F9: variants seen among roughly 807,000 people sequenced by gnomAD.
The protein encoded by F9 is coagulation factor IX, also known as Christmas factor.
A neutral mutation model predicts 34.1 loss-of-function variants in F9; 2 were observed. That is an observed-to-expected ratio of 0.06 (90% CI 0.02 to 0.18). The LOEUF (loss-of-function observed/expected upper bound fraction) is 0.18. Ranked by LOEUF, F9 falls within the 10% of genes least tolerant of loss-of-function variation. F9 has a pLI of 1.00. For missense variants in F9, 216 were observed against 345.1 expected (o/e 0.63, Z 2.96); for synonymous variants, 137 against 118.8 (o/e 1.15, Z -1.00).
At chrX:139,560,932 G>T (rs751637378) in intron 7 of F9, 77 bp downstream of exon 7, 1 of 817,855 alleles carries the variant, frequency 1.2e-6, no homozygotes. Flanking sequence ...TTTTACTAAG[G>T]TCTAATAAAA....
At chrX:139,533,967 G>A (rs538731895) in intron 1 of F9, among the ~76,000 whole-genome samples, 2 of 111,996 alleles carry the variant, frequency 1.8e-5, no homozygotes, top group Admixed American at 9.5e-5. Flanking sequence ...AGAGCAAAGC[G>A]GGGAACCAGA....
intron 6 of F9, among the ~76,000 whole-genome samples, chrX:139,555,537 C>T (rs1372238343): frequency 8.9e-6 from 1 of 112,529 alleles, no homozygotes; most frequent in African/African-American, 3.2e-5. Context: ...GCGGGCCGGG[C>T]CAGCTTCTAA....
Position 139,562,014 on chromosome X carries a change from A to C in F9, c.1329A>C (p.Ile443=). Residue 443 remains isoleucine (I), a synonymous_variant, in exon 8 of 8, where the codon ATA becomes ATC. Transcript: ENST00000218099. ...EECAMKGKYG[I]YTKVSRYVNW... ...GTGCAATGAAAGGCAAATATGGAAT[A>C]TATACCAAGGTATCCCGGTATGTCA... 1 of 1,211,473 alleles carries C rather than the reference A, an allele frequency of 8.3e-7. No homozygotes were observed. Among genetic ancestry groups the C allele is most frequent in the Non-Finnish European group, 1.1e-6 (1 of 895,294 alleles).
At chrX:139,553,670 C>G (rs146118805) in intron 6 of F9, among the ~76,000 whole-genome samples, 2 of 108,406 alleles carry the variant, frequency 1.8e-5, no homozygotes, top group Non-Finnish European at 1.9e-5. Flanking sequence ...AAAATTAGCC[C>G]GGCGTGGTGG....
chrX:139,547,978 G>T (rs2148360945), intron 4 of F9: 1 of 159,992 alleles, frequency 6.3e-6, no homozygotes, highest in African/African-American at 3.2e-5. Flanking sequence ...GCTATGTATT[G>T]GTCAGTTTAG....
chrX:139,560,607 C>T (rs1332124615), intron 6 of F9, 134 bp from the exon 7 acceptor site: 24 of 502,454 alleles, frequency 4.8e-5, no homozygotes, highest in Non-Finnish European at 3.9e-5. Flanking sequence ...GCAAAGCTCA[C>T]ATTTCCAGAA....
intron 6 of F9, among the ~76,000 whole-genome samples, chrX:139,557,097 G>A (rs985515341): frequency 1.8e-5 from 2 of 111,920 alleles, no homozygotes; most frequent in African/African-American, 6.5e-5. Flanking sequence ...TGGTTTTTGT[G>A]TATGTGTGAG....
intron 6 of F9, among the ~76,000 whole-genome samples, chrX:139,552,053 G>T (rs1927858805): frequency 9.0e-6 from 1 of 111,009 alleles, no homozygotes; most frequent in African/African-American, 3.3e-5. Flanking sequence ...AATTAGCTAG[G>T]TGTGATGGCT....
At chrX:139,553,213 A>G (rs1198640763) in intron 6 of F9, among the ~76,000 whole-genome samples, 1 of 111,562 alleles carries the variant, frequency 9.0e-6, no homozygotes, top group Non-Finnish European at 1.9e-5. Context: ...ATTGCACCCT[A>G]TGAGGACTGC....
intron 4 of F9, among the ~76,000 whole-genome samples, chrX:139,546,749 G>A (rs1159946647): frequency 1.8e-5 from 2 of 111,664 alleles, no homozygotes; most frequent in African/African-American, 6.5e-5. Flanking sequence ...ATAAATGTGA[G>A]AAAGATGTGC....
chrX:139,534,787 C>T (rs760411994), intron 1 of F9, among the ~76,000 whole-genome samples: 28 of 111,318 alleles, frequency 2.5e-4, no homozygotes, highest in Non-Finnish European at 1.7e-4. Context: ...TACTGAGGAA[C>T]GACTGTAAAT....
At chrX:139,537,982 C>G (rs1001717836) in intron 3 of F9, among the ~76,000 whole-genome samples, 5 of 111,391 alleles carry the variant, frequency 4.5e-5, no homozygotes, top group Non-Finnish European at 9.4e-5. Flanking sequence ...CGGGTCTTTG[C>G]CCAAATGTTA....
intron 3 of F9, among the ~76,000 whole-genome samples, chrX:139,539,304 T>C (rs1927551562): frequency 8.9e-6 from 1 of 112,401 alleles, no homozygotes; most frequent in African/African-American, 3.2e-5. Flanking sequence ...GGTCTCCCAG[T>C]TGGGGAGTCA....
intron 6 of F9, among the ~76,000 whole-genome samples, chrX:139,557,713 A>G (rs1477845364): frequency 8.8e-6 from 1 of 113,002 alleles, no homozygotes; most frequent in African/African-American, 3.2e-5. Flanking sequence ...AGTATATAAC[A>G]GTGTTGGCCA....
At chrX:139,534,204 G>T (rs988929151) in intron 1 of F9, among the ~76,000 whole-genome samples, 2 of 111,302 alleles carry the variant, frequency 1.8e-5, no homozygotes, top group African/African-American at 6.5e-5. Flanking sequence ...AAGAAAGTAG[G>T]GCCAACATGA....
chrX:139,546,074 C>T (rs147261366), intron 4 of F9, among the ~76,000 whole-genome samples: 1 of 111,133 alleles, frequency 9.0e-6, no homozygotes, highest in Admixed American at 9.6e-5. Flanking sequence ...TCTGCCTCAT[C>T]CCACCCTCCT....
At chrX:139,533,267 G>A (rs1927384961) in intron 1 of F9, among the ~76,000 whole-genome samples, 1 of 112,329 alleles carries the variant, frequency 8.9e-6, no homozygotes, top group East Asian at 2.8e-4. Context: ...AAGAGAACTG[G>A]CTCTTTAGTC....
intron 6 of F9, among the ~76,000 whole-genome samples, chrX:139,558,277 A>T (rs1928015966): frequency 8.8e-6 from 1 of 113,650 alleles, no homozygotes; most frequent in African/African-American, 3.2e-5. Flanking sequence ...TCAGGCATGG[A>T]ACACATCCTG....
intron 6 of F9, 106 bp downstream of exon 6, chrX:139,551,370 A>C (rs1244102788): frequency 2.8e-6 from 2 of 718,466 alleles, no homozygotes; most frequent in Admixed American, 2.4e-5. Flanking sequence ...GGATGTGAGA[A>C]GTATTTAGGC....
Sources: gnomAD v4.1 joint callset for allele counts (sites outside exome capture counted in the v4.1 genomes callset) on GRCh38, gnomAD v4.1.1 for gene constraint, MANE v1.5 for transcripts, NCBI Gene and HGNC (gene_info 2026-07-23, HGNC 2026-07-21) for gene names.